Variants in TAFA1 observed in about 807,000 individuals in gnomAD.
TAFA1 encodes TAFA chemokine like family member 1.
Under a neutral mutation model 18.5 loss-of-function variants are expected in TAFA1, and 4 were observed. The observed-to-expected ratio is 0.22, with a 90% CI of 0.11 to 0.49. The LOEUF (loss-of-function observed/expected upper bound fraction) is 0.49. Among genes scored for constraint, TAFA1 ranks in the 20% least tolerant of loss-of-function variants. TAFA1 has a pLI of 0.98. For synonymous variants in TAFA1, 56 were observed against 55.2 expected (o/e 1.01, Z -0.06); for missense variants, 147 against 169.0 (o/e 0.87, Z 0.72).
At chr3:68,094,816 G>A (rs764318012) in intron 2 of TAFA1, among the ~76,000 whole-genome samples, 4 of 152,126 alleles carry the variant, frequency 2.6e-5, no homozygotes, top group African/African-American at 9.7e-5. Flanking sequence ...ACTATCACAG[G>A]TGTTAACCTA....
chr3:68,370,367 C>CACAT (rs1476667375), intron 2 of TAFA1, among the ~76,000 whole-genome samples: 1,426 of 56,556 alleles, frequency 0.025, 60 homozygotes, highest in Non-Finnish European at 0.036. Flanking sequence ...CACACACACA[C>CACAT]ATATATATAT....
chr3:68,521,704 C>T (rs940085661), intron 3 of TAFA1, among the ~76,000 whole-genome samples: 1 of 151,762 alleles, frequency 6.6e-6, no homozygotes, highest in Non-Finnish European at 1.5e-5. Context: ...TTGAGAAAGT[C>T]AGTGGTAAAC....
chr3:68,180,178 G>C (rs1041595515), intron 2 of TAFA1, among the ~76,000 whole-genome samples: 2 of 139,908 alleles, frequency 1.4e-5, no homozygotes, highest in East Asian at 4.2e-4. Flanking sequence ...GACTACAGGT[G>C]TGCACCACCA....
chr3:68,074,403 G>A (rs2064798785), intron 2 of TAFA1, among the ~76,000 whole-genome samples: 1 of 152,136 alleles, frequency 6.6e-6, no homozygotes, highest in South Asian at 2.1e-4. Flanking sequence ...CTTAACGGAA[G>A]ACTCTGATGC....
At chr3:68,256,836 C>G (rs1056958504) in intron 2 of TAFA1, among the ~76,000 whole-genome samples, 2 of 152,134 alleles carry the variant, frequency 1.3e-5, no homozygotes, top group Non-Finnish European at 2.9e-5. Context: ...CTGCCACCAT[C>G]TGGCCCCAAA....
At chr3:68,321,841 A>G (rs2068701169) in intron 2 of TAFA1, among the ~76,000 whole-genome samples, 1 of 152,242 alleles carries the variant, frequency 6.6e-6, no homozygotes. Flanking sequence ...GGAAACAGCC[A>G]ACTGAAATCT....
At chr3:68,279,516 T>A (rs2067859435) in intron 2 of TAFA1, among the ~76,000 whole-genome samples, 1 of 152,144 alleles carries the variant, frequency 6.6e-6, no homozygotes, top group Non-Finnish European at 1.5e-5. Flanking sequence ...ATTCTACTTC[T>A]CTAGACCTGA....
chr3:68,380,894 T>G (rs2106670168), intron 2 of TAFA1, among the ~76,000 whole-genome samples: 1 of 150,718 alleles, frequency 6.6e-6, no homozygotes, highest in African/African-American at 2.4e-5. Flanking sequence ...AGGGTTTTTA[T>G]GGTTTTAGGT....
In TAFA1 at chr3:68,460,547, GAAGT is replaced by G. The variant is rs531670439; in HGVS notation, c.259+43131_259+43134del. Among the ~76,000 whole-genome samples the G allele has an allele frequency of 6.0e-4, 92 of 152,276 alleles. No homozygotes were observed. In the Middle Eastern group the frequency reaches 0.014, roughly 23 times the overall value. On this transcript the variant is annotated intron_variant, in intron 3 of 4. Coordinates refer to ENST00000478136, the MANE Select transcript of TAFA1 (RefSeq NM_213609.4). Reference sequence around the variant, plus strand: ...ACTATATTTTTAAGAATTGAATTCAGAAGTAAGATCTCTATGAGCACATCCTCCT... The same window carrying G: ...ACTATATTTTTAAGAATTGAATTCAGAAGATCTCTATGAGCACATCCTCCT...
intron 2 of TAFA1, among the ~76,000 whole-genome samples, chr3:68,185,805 A>T (rs575154138): frequency 8.9e-4 from 136 of 152,090 alleles, no homozygotes; most frequent in African/African-American, 3.1e-3. Context: ...CCAGCTACTC[A>T]GGAGGCTGAG....
intron 2 of TAFA1, among the ~76,000 whole-genome samples, chr3:68,347,686 CT>C (rs1444669678): frequency 6.6e-6 from 1 of 152,232 alleles, no homozygotes; most frequent in Non-Finnish European, 1.5e-5. Context: ...CATAGGGCCA[CT>C]GTGATTCCAG....
At chr3:68,282,700 G>A (rs1395200754) in intron 2 of TAFA1, among the ~76,000 whole-genome samples, 1 of 152,188 alleles carries the variant, frequency 6.6e-6, no homozygotes, top group East Asian at 1.9e-4. Flanking sequence ...AAAGCATCTT[G>A]TCTGTGAAGA....
intron 2 of TAFA1, among the ~76,000 whole-genome samples, chr3:68,265,792 C>A (rs1266296018): frequency 1.3e-5 from 2 of 152,142 alleles, no homozygotes; most frequent in African/African-American, 2.4e-5. Flanking sequence ...CCTTCTACAT[C>A]TGGGCTGCAG....
chr3:68,058,822 C>T (rs9867112), intron 2 of TAFA1, among the ~76,000 whole-genome samples: 142,915 of 152,118 alleles, frequency 0.94, 67,236 homozygotes, highest in South Asian at 0.97. Flanking sequence ...GCTTGTATAA[C>T]GTTTTCTATG....
chr3:68,001,637 G>A (rs991157122), upstream of TAFA1, among the ~76,000 whole-genome samples: 1 of 145,466 alleles, frequency 6.9e-6, no homozygotes, highest in African/African-American at 2.6e-5. Context: ...TGAATGCTTT[G>A]TACTTTTAAG....
At chr3:68,015,775 A>G (rs73837228) in intron 2 of TAFA1, among the ~76,000 whole-genome samples, 142,947 of 152,250 alleles carry the variant, frequency 0.94, 67,279 homozygotes, top group South Asian at 0.98. Flanking sequence ...TTCTCTTTTG[A>G]GAAAATGATT....
chr3:68,184,356 C>T (rs2066243394), intron 2 of TAFA1, among the ~76,000 whole-genome samples: 1 of 152,044 alleles, frequency 6.6e-6, no homozygotes. Flanking sequence ...ATAAACCTTG[C>T]AGGGCTGGAG....
chr3:68,074,190 A>C (rs1400960110), intron 2 of TAFA1, among the ~76,000 whole-genome samples: 1 of 152,122 alleles, frequency 6.6e-6, no homozygotes, highest in Non-Finnish European at 1.5e-5. Context: ...TGAGAATTTA[A>C]CACCACCACT....
chr3:68,117,492 A>T lies in TAFA1; in HGVS notation c.118+110748A>T, dbSNP rs145808861. Among the ~76,000 whole-genome samples, 28 of 152,348 alleles carry T rather than the reference A, an allele frequency of 1.8e-4. No individual in the cohort carries two copies. In the East Asian group the frequency reaches 5.4e-3, roughly 29 times the overall value. On this transcript the variant is annotated intron_variant, in intron 2 of 4. Transcript: ENST00000478136. ...GATAGGTTATCAGCATTCAGGGATG[A>T]AGTACACTATCTTTCAATAGATAGC...
Sources: gnomAD v4.1 joint callset for allele counts (sites outside exome capture counted in the v4.1 genomes callset) on GRCh38, gnomAD v4.1.1 for gene constraint, MANE v1.5 for transcripts, NCBI Gene and HGNC (gene_info 2026-07-23, HGNC 2026-07-21) for gene names.